The following PEX5L variants were observed in gnomAD, a reference collection of about 807,000 sequenced individuals.
The protein encoded by PEX5L is PEX5-related protein.
In PEX5L, 30 loss-of-function variants were observed where a neutral mutation model predicts 84.0. The ratio of observed to expected loss-of-function variants is 0.36; its 90% CI spans 0.27 to 0.48. The LOEUF (loss-of-function observed/expected upper bound fraction) is 0.48. PEX5L is among the 20% of genes least tolerant of loss of function. PEX5L has a pLI of 0.99. For missense variants in PEX5L, 533 were observed against 754.6 expected, an observed-to-expected ratio of 0.71 and a Z score of 3.44; for synonymous variants, 270 against 283.1, an observed-to-expected ratio of 0.95 and a Z score of 0.46.
At chr3:179,856,723 C>G (rs1744111020) in intron 8 of PEX5L, among the ~76,000 whole-genome samples, 1 of 152,220 alleles carries the variant, frequency 6.6e-6, no homozygotes, top group Non-Finnish European at 1.5e-5. Context: ...CCTGTTCACA[C>G]CTTCTGGTGG....
intron 2 of PEX5L, among the ~76,000 whole-genome samples, chr3:179,966,472 C>T (rs543614601): frequency 9.9e-5 from 15 of 152,244 alleles, no homozygotes; most frequent in African/African-American, 2.9e-4. Context: ...ACCACAACAA[C>T]GACAAGGCAG....
At position 179,796,796 on chromosome 3, in the gene PEX5L, A is replaced by G. The variant is rs1485537805; in HGVS notation, c.*5032T>C. ...GTGAAATCACCTCATCACTCCCTAAATATCAGTGTTTTTAGACCTGTTGAT... is the reference window on the plus strand; with the variant it reads ...GTGAAATCACCTCATCACTCCCTAAGTATCAGTGTTTTTAGACCTGTTGAT... On this transcript the variant is annotated 3_prime_UTR_variant, in exon 15 of 15. Transcript: ENST00000467460. 1.3e-5 allele frequency: 2 copies of G among 152,122 alleles called. No homozygotes were observed. The highest frequency in any genetic ancestry group is 2.9e-5 in the Non-Finnish European group (2 of 68,012). The allele number at this position is 152,122 out of a possible 1,614,324, so 9.4% of individuals were successfully genotyped here. A position where few individuals can be genotyped will look rare whatever the true frequency, so the allele number is the denominator to read the frequency against.
intron 1 of PEX5L, among the ~76,000 whole-genome samples, chr3:180,018,086 T>C (rs1402482515): frequency 3.3e-5 from 5 of 152,214 alleles, no homozygotes; most frequent in African/African-American, 4.8e-5. Flanking sequence ...ATTATGGTTG[T>C]ACAGTGTGTC....
At chr3:179,866,738 C>T (rs901435844) in intron 7 of PEX5L, among the ~76,000 whole-genome samples, 8 of 151,774 alleles carry the variant, frequency 5.3e-5, no homozygotes, top group African/African-American at 1.9e-4. Flanking sequence ...ATTGAAAGTA[C>T]ACACGGCCGG....
rs369411207 is a variant in PEX5L, at chr3:179,822,183, T to C, written c.823-2207A>G. ...ACTTTCCCAGACTCCCATTGGGTGA[T>C]ACGAGAGGCCAATGACTGCATATAC... is the stretch of plus-strand genomic sequence containing the variant. On this transcript the variant is annotated intron_variant, in intron 8 of 14. Transcript: ENST00000467460. 3.0e-3 allele frequency among the ~76,000 whole-genome samples: 455 copies of C among 152,332 alleles called. 3 individuals are homozygous for C. The highest frequency in any genetic ancestry group is 0.011 in the African/African-American group (438 of 41,580).
chr3:179,963,602 C>T (rs1782603139), intron 2 of PEX5L, among the ~76,000 whole-genome samples: 1 of 152,256 alleles, frequency 6.6e-6, no homozygotes, highest in South Asian at 2.1e-4. Context: ...GGGTTGTATA[C>T]ACAGACTATT....
At chr3:179,917,710 A>C (rs1767725882) in intron 2 of PEX5L, among the ~76,000 whole-genome samples, 1 of 151,860 alleles carries the variant, frequency 6.6e-6, no homozygotes, top group Non-Finnish European at 1.5e-5. Context: ...CCCAGGCTGG[A>C]GTGCAATGGC....
chr3:179,819,755 T>A (rs190294002), intron 9 of PEX5L, 105 bp downstream of exon 9: 32 of 982,554 alleles, frequency 3.3e-5, no homozygotes, highest in Middle Eastern at 5.0e-4. Flanking sequence ...AAATTGTCTT[T>A]TTAATTACTG....
At position 179,852,265 on chromosome 3, in the gene PEX5L, C is replaced by G. The variant is rs114039645; in HGVS notation, c.822+6797G>C. ...AGATAGCTCCCTCATGTGGTGTGGA[C>G]AGGAGACCTCATATGGGCTGCCAAC... On this transcript the variant is annotated intron_variant, in intron 8 of 14. Transcript: ENST00000467460. Among the ~76,000 whole-genome samples the G allele has an allele frequency of 1.6e-3, 248 of 152,232 alleles. 1 individual carries two copies. The highest frequency in any genetic ancestry group is 5.6e-3 in the African/African-American group (232 of 41,546).
chr3:179,916,223 A>T (rs1293203380), intron 2 of PEX5L, among the ~76,000 whole-genome samples: 2 of 152,192 alleles, frequency 1.3e-5, no homozygotes, highest in Non-Finnish European at 2.9e-5. Context: ...TCGTGTGGAC[A>T]CTATAGAGTG....
chr3:180,020,915 C>T (rs1790368170), intron 1 of PEX5L, among the ~76,000 whole-genome samples: 1 of 151,802 alleles, frequency 6.6e-6, no homozygotes, highest in Admixed American at 6.6e-5. Flanking sequence ...TTATTTAATC[C>T]AACATGTATT....
At chr3:179,885,474 G>GTCTCT (rs1755537993) in intron 4 of PEX5L, among the ~76,000 whole-genome samples, 1 of 152,016 alleles carries the variant, frequency 6.6e-6, no homozygotes, top group South Asian at 2.1e-4. Context: ...GTGAAACCCT[G>GTCTCT]TCTCTACTAA....
chr3:179,809,686 GC>G lies in PEX5L; in HGVS notation c.1155-19del. On this transcript the variant is annotated intron_variant, in intron 11 of 14. Transcript: ENST00000467460. ...CTAAGCACCTGAAAAAAAAAAAGAAGCCAATTTCAGATTTTTTTTTGAGCCA... is the reference window on the plus strand; with the variant it reads ...CTAAGCACCTGAAAAAAAAAAAGAAGCAATTTCAGATTTTTTTTTGAGCCA... 6.7e-7 allele frequency: 1 copy of G among 1,484,882 alleles called. No individual in the cohort carries two copies. The highest frequency in any genetic ancestry group is 9.1e-7 in the Non-Finnish European group (1 of 1,097,828). 92.0% of individuals were successfully genotyped at this position (1,484,882 alleles called of 1,614,324 possible). A position where few individuals can be genotyped will look rare whatever the true frequency, so the allele number is the denominator to read the frequency against.
At chr3:180,013,216 C>A (rs1017371990) in intron 1 of PEX5L, among the ~76,000 whole-genome samples, 2 of 152,128 alleles carry the variant, frequency 1.3e-5, no homozygotes, top group African/African-American at 4.8e-5. Context: ...CAATGTATTA[C>A]CCATGACACT....
intron 5 of PEX5L, among the ~76,000 whole-genome samples, chr3:179,878,196 G>A (rs1004650635): frequency 8.5e-5 from 13 of 152,106 alleles, no homozygotes; most frequent in African/African-American, 2.9e-4. Flanking sequence ...TTCTATCATG[G>A]AGCTTGGCAT....
At chr3:179,931,369 G>T (rs546484842) in intron 2 of PEX5L, among the ~76,000 whole-genome samples, 84 of 152,302 alleles carry the variant, frequency 5.5e-4, no homozygotes, top group African/African-American at 1.9e-3. Context: ...GAGGACCACA[G>T]AGGTGAAGTC....
At chr3:179,947,922 G>C (rs957826575) in intron 2 of PEX5L, among the ~76,000 whole-genome samples, 3 of 151,952 alleles carry the variant, frequency 2.0e-5, no homozygotes, top group Non-Finnish European at 2.9e-5. Flanking sequence ...TAGCCAGGAT[G>C]GTCTCGATCT....
chr3:179,808,198 T>A (rs1421693664), intron 13 of PEX5L, 74 bp downstream of exon 13: 3 of 1,218,626 alleles, frequency 2.5e-6, no homozygotes, highest in Non-Finnish European at 3.4e-6. Context: ...AGAAGAAATG[T>A]AGACGGTGTA....
chr3:179,923,283 T>C (rs1329730942), intron 2 of PEX5L, among the ~76,000 whole-genome samples: 1 of 82,466 alleles, frequency 1.2e-5, no homozygotes. Context: ...AGAGCGAGAC[T>C]CCATCTCAAA....
Sources: allele counts gnomAD v4.1 joint callset (sites outside exome capture counted in the v4.1 genomes callset), GRCh38; gene constraint gnomAD v4.1.1; transcripts MANE v1.5; gene names NCBI Gene and HGNC (gene_info 2026-07-23, HGNC 2026-07-21).